The following HDX variants were observed in gnomAD, a reference collection of about 807,000 sequenced individuals.
The protein encoded by HDX is highly divergent homeobox.
A neutral mutation model predicts 45.2 loss-of-function variants in HDX; 19 were observed. The observed-to-expected ratio is 0.42, with a 90% CI of 0.29 to 0.62. The LOEUF (loss-of-function observed/expected upper bound fraction) is 0.62. Among genes scored for constraint, HDX ranks in the 20% least tolerant of loss-of-function variants. The probability of loss-of-function intolerance (pLI) is 0.20; values close to 1 mark genes in which losing one functional copy is unlikely to be tolerated. For missense variants in HDX, 532 were observed against 493.9 expected (o/e 1.08, Z -0.73); for synonymous variants, 188 against 172.8 (o/e 1.09, Z -0.69).
intron 5 of HDX, chrX:84,439,966 C>T (rs772959904): frequency 9.9e-5 from 11 of 111,505 alleles, no homozygotes; most frequent in African/African-American, 3.6e-4. Context: ...ATCAAAATCT[C>T]CTGGGATATT....
intron 5 of HDX, among the ~76,000 whole-genome samples, chrX:84,372,711 A>G (rs1720300715): frequency 8.9e-6 from 1 of 112,212 alleles, no homozygotes; most frequent in African/African-American, 3.2e-5. Context: ...AAACTCCCAA[A>G]GGTTTATCAT....
intron 4 of HDX, among the ~76,000 whole-genome samples, chrX:84,457,819 T>C (rs1480001926): frequency 8.9e-6 from 1 of 112,241 alleles, no homozygotes; most frequent in South Asian, 3.7e-4. Flanking sequence ...TAATGTGTAC[T>C]ACAATTTTAA....
At chrX:84,375,451 T>C (rs760806659) in intron 5 of HDX, among the ~76,000 whole-genome samples, 17 of 111,861 alleles carry the variant, frequency 1.5e-4, no homozygotes, top group Admixed American at 4.7e-4. Flanking sequence ...CACATGTATG[T>C]TTATTGCGGC....
intron 5 of HDX, among the ~76,000 whole-genome samples, chrX:84,412,254 C>T (rs905788301): frequency 3.6e-5 from 4 of 111,120 alleles, no homozygotes; most frequent in African/African-American, 1.3e-4. Flanking sequence ...TTTACAGTGT[C>T]AATGGTCTAT....
intron 1 of HDX, chrX:84,501,431 T>C (rs960427319): frequency 2.7e-5 from 3 of 112,028 alleles, no homozygotes; most frequent in African/African-American, 9.7e-5. Flanking sequence ...TTTCTTACTC[T>C]GAGCCTCCAC....
intron 5 of HDX, among the ~76,000 whole-genome samples, chrX:84,415,313 A>G (rs769253159): frequency 8.9e-6 from 1 of 112,322 alleles, no homozygotes; most frequent in African/African-American, 3.2e-5. Context: ...ACAGAAAGTT[A>G]CAAAAGGGAA....
chrX:84,338,112 C>T (rs2037006466), intron 7 of HDX, among the ~76,000 whole-genome samples: 1 of 110,752 alleles, frequency 9.0e-6, no homozygotes, highest in Non-Finnish European at 1.9e-5. Context: ...ACGAATTTTT[C>T]GAAGTCTATT....
intron 5 of HDX, among the ~76,000 whole-genome samples, chrX:84,409,316 G>A (rs375105012): frequency 1.2e-4 from 13 of 111,056 alleles, no homozygotes; most frequent in Non-Finnish European, 1.7e-4. Flanking sequence ...TCAGTGTGGC[G>A]ATTCCTCAGG....
chrX:84,471,821 A>G (rs2100000564), intron 3 of HDX, among the ~76,000 whole-genome samples: 1 of 110,569 alleles, frequency 9.0e-6, no homozygotes, highest in African/African-American at 3.3e-5. Flanking sequence ...ATGAATATAA[A>G]TGTCACAGGA....
At chrX:84,421,189 T>C (rs1479031206) in intron 5 of HDX, among the ~76,000 whole-genome samples, 1 of 111,944 alleles carries the variant, frequency 8.9e-6, no homozygotes, top group Non-Finnish European at 1.9e-5. Flanking sequence ...AAAGAATAAA[T>C]AATGAACCAA....
intron 4 of HDX, among the ~76,000 whole-genome samples, chrX:84,454,681 G>C (rs185869030): frequency 1.2e-4 from 13 of 111,062 alleles, no homozygotes; most frequent in African/African-American, 4.3e-4. Context: ...CACAAGCCTG[G>C]GTAGCACTGA....
chrX:84,392,531 A>G (rs772304388), intron 5 of HDX, among the ~76,000 whole-genome samples: 1 of 111,160 alleles, frequency 9.0e-6, no homozygotes, highest in Non-Finnish European at 1.9e-5. Flanking sequence ...AATGATCTAA[A>G]TGATTTCAAT....
chrX:84,471,337 A>T, intron 3 of HDX, among the ~76,000 whole-genome samples: 1 of 108,995 alleles, frequency 9.2e-6, no homozygotes, highest in Middle Eastern at 5.0e-3. Flanking sequence ...GAAAAAAATA[A>T]AAAAACTAAA....
At chrX:84,355,532 A>C (rs2037458946) in intron 6 of HDX, among the ~76,000 whole-genome samples, 1 of 111,477 alleles carries the variant, frequency 9.0e-6, no homozygotes, top group African/African-American at 3.3e-5. Context: ...CACATACATA[A>C]AAAATGATGA....
intron 5 of HDX, among the ~76,000 whole-genome samples, chrX:84,413,747 AATATTCCAT>A (rs1408916094): frequency 8.9e-6 from 1 of 111,898 alleles, no homozygotes; most frequent in Non-Finnish European, 1.9e-5. Flanking sequence ...GGTTTTAAAT[AATATTCCAT>A]ATTTAAAATA....
chrX:84,356,570 C>A (rs754732603), intron 6 of HDX, among the ~76,000 whole-genome samples: 2 of 102,761 alleles, frequency 1.9e-5, no homozygotes, highest in Admixed American at 1.0e-4. Context: ...TGCCTAAAAT[C>A]TCTTGATATC....
At chrX:84,326,444 A>T in intron 9 of HDX, 144 bp from the exon 10 acceptor site, 1 of 427,851 alleles carries the variant, frequency 2.3e-6, no homozygotes, top group East Asian at 4.0e-5. Flanking sequence ...AATACAAAGC[A>T]TGGAAGAAAA....
chrX:84,482,674 A>G (rs2040713143), intron 2 of HDX, among the ~76,000 whole-genome samples: 1 of 111,018 alleles, frequency 9.0e-6, no homozygotes, highest in African/African-American at 3.3e-5. Flanking sequence ...CAGCCAAACC[A>G]TATTATTCCG....
At chrX:84,370,835 G>A (rs181005299) in intron 5 of HDX, among the ~76,000 whole-genome samples, 91 of 112,124 alleles carry the variant, frequency 8.1e-4, no homozygotes, top group African/African-American at 2.6e-3. Flanking sequence ...ACTTCTTAAG[G>A]AATTCCCTTG....
Sources: gnomAD v4.1 joint callset for allele counts (sites outside exome capture counted in the v4.1 genomes callset) on GRCh38, gnomAD v4.1.1 for gene constraint, MANE v1.5 for transcripts, NCBI Gene and HGNC (gene_info 2026-07-23, HGNC 2026-07-21) for gene names.